The following CSMD1 variants were observed in gnomAD, a reference collection of about 807,000 sequenced individuals.
CSMD1 encodes CUB and sushi domain-containing protein 1.
In CSMD1, 213 loss-of-function variants were observed where a neutral mutation model predicts 417.5. The ratio of observed to expected loss-of-function variants is 0.51; its 90% CI spans 0.46 to 0.57. The LOEUF (loss-of-function observed/expected upper bound fraction) is 0.57. CSMD1 is among the 20% of genes least tolerant of loss of function. CSMD1 has a pLI of 0.00. For synonymous variants in CSMD1, 2,862 were observed against 1,736.8 expected (o/e 1.65, Z -16.11); for missense variants, 6,923 against 4,529.7 (o/e 1.53, Z -15.17).
intron 62 of CSMD1, among the ~76,000 whole-genome samples, chr8:2,958,239 G>A (rs1443816942): frequency 2.0e-5 from 3 of 152,156 alleles, no homozygotes; most frequent in Non-Finnish European, 2.9e-5. Context: ...AACTCTACCT[G>A]TCTTTCTGAT....
chr8:4,135,450 C>A (rs1324244733), intron 3 of CSMD1, among the ~76,000 whole-genome samples: 2 of 151,096 alleles, frequency 1.3e-5, no homozygotes, highest in Non-Finnish European at 3.0e-5. Flanking sequence ...CGGAAATTAT[C>A]AGAAGCAAAA....
intron 3 of CSMD1, among the ~76,000 whole-genome samples, chr8:4,055,492 T>A (rs950704874): frequency 6.6e-6 from 1 of 151,874 alleles, no homozygotes; most frequent in Non-Finnish European, 1.5e-5. Context: ...TGTAAAGCAT[T>A]TCATATAAAT....
At chr8:4,344,103 A>T (rs1238341156) in intron 3 of CSMD1, among the ~76,000 whole-genome samples, 1 of 152,110 alleles carries the variant, frequency 6.6e-6, no homozygotes, top group Non-Finnish European at 1.5e-5. Context: ...CAGCACCTCG[A>T]GTAAAAGGCC....
intron 10 of CSMD1, among the ~76,000 whole-genome samples, chr8:3,534,312 T>C (rs1798101662): frequency 6.6e-6 from 1 of 152,140 alleles, no homozygotes; most frequent in Non-Finnish European, 1.5e-5. Context: ...TTTACCTTGA[T>C]GTAAGCTCCT....
chr8:3,217,413 C>T (rs1797943105), intron 29 of CSMD1, among the ~76,000 whole-genome samples: 3 of 152,164 alleles, frequency 2.0e-5, no homozygotes, highest in Non-Finnish European at 2.9e-5. Flanking sequence ...ATTCGTTGGC[C>T]CATTTATTCA....
intron 1 of CSMD1, among the ~76,000 whole-genome samples, chr8:4,954,026 A>T (rs1017832712): frequency 6.6e-6 from 1 of 152,194 alleles, no homozygotes; most frequent in East Asian, 1.9e-4. Flanking sequence ...CTTCCCACCC[A>T]CCTGTTAAAA....
At chr8:3,700,449 A>T (rs966157718) in intron 7 of CSMD1, 2 of 152,158 alleles carry the variant, frequency 1.3e-5, no homozygotes, top group Non-Finnish European at 2.9e-5. Flanking sequence ...AAACACAAAA[A>T]CAGAGCAAGT....
At chr8:4,991,060 T>C (rs1447166576) in intron 1 of CSMD1, among the ~76,000 whole-genome samples, 3 of 152,178 alleles carry the variant, frequency 2.0e-5, no homozygotes, top group South Asian at 2.1e-4. Context: ...GGACGCTTTC[T>C]GGGTAAGTAA....
At position 3,949,600 on chromosome 8, in the gene CSMD1, T is replaced by G. The variant is rs538161521; in HGVS notation, c.818+48303A>C. 4.6e-5 allele frequency among the ~76,000 whole-genome samples: 7 copies of G among 152,066 alleles called. No homozygotes were observed. The South Asian group carries it at 1.5e-3, about 32-fold the overall frequency. Reference sequence around the variant, plus strand: ...TGTGGGGGAAACTAATTGAAGAACATGAGGGTGGGTGGTTTGTTTGGGAGA... The same window carrying G: ...TGTGGGGGAAACTAATTGAAGAACAGGAGGGTGGGTGGTTTGTTTGGGAGA... On this transcript the variant is annotated intron_variant, in intron 5 of 69. Transcript: ENST00000635120.
At chr8:3,385,994 T>C (rs1191771325) in intron 18 of CSMD1, among the ~76,000 whole-genome samples, 8 of 152,168 alleles carry the variant, frequency 5.3e-5, no homozygotes, top group South Asian at 4.1e-4. Context: ...ATTTTAGCAA[T>C]TGTCTAAATT....
rs186037772 is a variant in CSMD1 at position 3,791,401 on chromosome 8, G to A, written c.819-37359C>T. On this transcript the variant is annotated intron_variant, in intron 5 of 69. Transcript: ENST00000635120. ...AAAATCTTTCAAAGCTCTTTGACAGGGGATTCTTAAAATTCCTCTGTATTT... is the reference window on the plus strand; with the variant it reads ...AAAATCTTTCAAAGCTCTTTGACAGAGGATTCTTAAAATTCCTCTGTATTT... Among the ~76,000 whole-genome samples, 22 of 152,236 alleles carry A rather than the reference G, an allele frequency of 1.4e-4. No homozygotes were observed. In the East Asian group the frequency reaches 1.9e-3, roughly 13 times the overall value.
chr8:4,497,527 T>C (rs1802038471), intron 2 of CSMD1, among the ~76,000 whole-genome samples: 1 of 152,194 alleles, frequency 6.6e-6, no homozygotes, highest in African/African-American at 2.4e-5. Flanking sequence ...GCTTGTTCTG[T>C]ATATAGTAGC....
At chr8:3,170,929 G>C (rs1026450232) in intron 37 of CSMD1, among the ~76,000 whole-genome samples, 1 of 152,148 alleles carries the variant, frequency 6.6e-6, no homozygotes, top group African/African-American at 2.4e-5. Flanking sequence ...ACATGATTTA[G>C]AAATGCCATA....
At chr8:3,971,268 T>A (rs1046119531) in intron 5 of CSMD1, among the ~76,000 whole-genome samples, 2 of 152,230 alleles carry the variant, frequency 1.3e-5, no homozygotes, top group Non-Finnish European at 2.9e-5. Flanking sequence ...ATCTCTGCAC[T>A]GTGATTTCTA....
chr8:4,820,070 C>A (rs1799434549), intron 1 of CSMD1, among the ~76,000 whole-genome samples: 1 of 152,182 alleles, frequency 6.6e-6, no homozygotes. Flanking sequence ...ATCCACCTGC[C>A]TTGTACCTCT....
At chr8:3,379,742 T>G (rs1810517863) in intron 18 of CSMD1, among the ~76,000 whole-genome samples, 1 of 152,072 alleles carries the variant, frequency 6.6e-6, no homozygotes, top group South Asian at 2.1e-4. Flanking sequence ...TATACAAAAA[T>G]TAACTCAAGA....
chr8:3,410,461 C>T (rs996504037), intron 12 of CSMD1, among the ~76,000 whole-genome samples: 1 of 152,090 alleles, frequency 6.6e-6, no homozygotes, highest in Non-Finnish European at 1.5e-5. Context: ...CAGGTCTTTC[C>T]TGTGCTGTTC....
intron 3 of CSMD1, among the ~76,000 whole-genome samples, chr8:4,129,049 G>T (rs1165327578): frequency 7.0e-6 from 1 of 142,236 alleles, no homozygotes; most frequent in Non-Finnish European, 1.5e-5. Flanking sequence ...GCACTCCAGC[G>T]TGGTTACAGA....
intron 47 of CSMD1, among the ~76,000 whole-genome samples, chr8:3,094,756 C>T (rs1199498097): frequency 7.5e-6 from 1 of 133,302 alleles, no homozygotes; most frequent in East Asian, 2.2e-4. Context: ...ATATATTCAA[C>T]ATGTTTTTTG....
Sources: gnomAD v4.1 joint callset for allele counts (sites outside exome capture counted in the v4.1 genomes callset) on GRCh38, gnomAD v4.1.1 for gene constraint, MANE v1.5 for transcripts, NCBI Gene and HGNC (gene_info 2026-07-23, HGNC 2026-07-21) for gene names.